The following RAD54B variants were observed in gnomAD, a reference collection of about 807,000 sequenced individuals.
The protein encoded by RAD54B is DNA repair and recombination protein RAD54B.
In RAD54B, 78 loss-of-function variants were observed where a neutral mutation model predicts 95.8. The observed-to-expected ratio is 0.81, with a 90% CI of 0.68 to 0.98. RAD54B has a LOEUF of 0.98. Ranked by LOEUF, RAD54B falls within the 50% of genes least tolerant of loss-of-function variation. The pLI is 0.00. For synonymous variants in RAD54B, 328 were observed against 354.9 expected, an observed-to-expected ratio of 0.92 and a Z score of 0.85; for missense variants, 957 against 1,056.6, an observed-to-expected ratio of 0.91 and a Z score of 1.31.
chr8:94,406,288 T>G (rs1459686668), intron 5 of RAD54B, among the ~76,000 whole-genome samples: 1 of 152,086 alleles, frequency 6.6e-6, no homozygotes, highest in Non-Finnish European at 1.5e-5. Context: ...TGATTCTTAC[T>G]CAGATCTCTG....
In RAD54B at chr8:94,375,140, T is replaced by G. The variant is rs73695192; in HGVS notation, c.2516-2753A>C. ...TGGCAATATCTATCAAAATTACAAATGTACACATTCTCTGACTCAGCAATA... is the reference window on the plus strand; with the variant it reads ...TGGCAATATCTATCAAAATTACAAAGGTACACATTCTCTGACTCAGCAATA... On this transcript the variant is annotated intron_variant, in intron 14 of 14. Coordinates refer to ENST00000336148, the MANE Select transcript of RAD54B (RefSeq NM_012415.3). Among the ~76,000 whole-genome samples the G allele has an allele frequency of 6.6e-3, 1,011 of 152,294 alleles. 15 individuals are homozygous for G. The highest frequency in any genetic ancestry group is 0.023 in the African/African-American group (963 of 41,550).
chr8:94,457,965 GA>G (rs1183179699), intron 3 of RAD54B, among the ~76,000 whole-genome samples: 1 of 151,558 alleles, frequency 6.6e-6, no homozygotes, highest in Non-Finnish European at 1.5e-5. Flanking sequence ...ATGCTTTTTA[GA>G]AAAAAAATGT....
intron 3 of RAD54B, among the ~76,000 whole-genome samples, chr8:94,432,854 C>A (rs1011919856): frequency 1.3e-5 from 2 of 152,140 alleles, no homozygotes; most frequent in Admixed American, 1.3e-4. Flanking sequence ...ACTCACAGAT[C>A]TCCCCCATCC....
At chr8:94,424,584 G>T (rs534175794) in intron 3 of RAD54B, among the ~76,000 whole-genome samples, 1 of 152,108 alleles carries the variant, frequency 6.6e-6, no homozygotes, top group Non-Finnish European at 1.5e-5. Context: ...TAGACTACTT[G>T]TATTACAGAA....
At chr8:94,470,772 A>G (rs960955934) in intron 1 of RAD54B, among the ~76,000 whole-genome samples, 1 of 72,014 alleles carries the variant, frequency 1.4e-5, no homozygotes, top group African/African-American at 3.7e-5. Flanking sequence ...AAAACAAAGA[A>G]AAAAAAAAAG....
chr8:94,465,016 G>A (rs186086467), intron 2 of RAD54B, among the ~76,000 whole-genome samples: 89 of 152,150 alleles, frequency 5.8e-4, no homozygotes, highest in African/African-American at 2.0e-3. Flanking sequence ...TGAAGGATCC[G>A]CCCCTCATGA....
chr8:94,455,329 G>C (rs780805156), intron 3 of RAD54B, among the ~76,000 whole-genome samples: 2 of 152,098 alleles, frequency 1.3e-5, no homozygotes, highest in Admixed American at 1.3e-4. Context: ...AGAGAAAACT[G>C]TAAGTTTCTC....
intron 3 of RAD54B, among the ~76,000 whole-genome samples, chr8:94,426,819 T>C (rs756161975): frequency 6.6e-6 from 1 of 152,158 alleles, no homozygotes; most frequent in East Asian, 1.9e-4. Context: ...TATTTTAAAT[T>C]TGTGCATTTC....
rs775120386 is a variant in RAD54B, at chr8:94,407,681, T to A, written c.539A>T (p.Glu180Val). ...TCCACAAATCATCAGTGTTTGGCCC[T>A]CTTCAATCTTTTCAAGCTCTTTGAA... ...YKFKELEKIE[E>V]GQTLMICGKE... Residue 180 changes from glutamate (E) to valine (V), a missense_variant, in exon 5 of 15, where the codon GAG (glutamate) becomes GTG (valine). Glu to Val is a moderately radical substitution (Grantham distance 121, BLOSUM62 -2). Coordinates refer to ENST00000336148, the MANE Select transcript of RAD54B (RefSeq NM_012415.3). 14 of 1,613,470 alleles carry A rather than the reference T, an allele frequency of 8.7e-6. No individual in the cohort carries two copies. In the South Asian group the frequency reaches 1.5e-4, roughly 18 times the overall value.
intron 3 of RAD54B, among the ~76,000 whole-genome samples, chr8:94,423,069 A>G (rs981421195): frequency 1.3e-5 from 2 of 152,014 alleles, no homozygotes; most frequent in African/African-American, 4.8e-5. Flanking sequence ...ATTATTACCC[A>G]ATTTTTATTT....
Position 94,407,702 on chromosome 8 carries a change from T to C in RAD54B, c.518A>G (p.Lys173Arg). ...DIGRGIGYKF[K>R]ELEKIEEGQT... ...GCCCTCTTCAATCTTTTCAAGCTCTTTGAATTTATAACCAATGCCTTTAAG... is the reference window on the plus strand; with the variant it reads ...GCCCTCTTCAATCTTTTCAAGCTCTCTGAATTTATAACCAATGCCTTTAAG... Residue 173 changes from lysine (K) to arginine (R), a missense_variant, in exon 5 of 15, where the codon AAA becomes AGA. Transcript: ENST00000336148. 1.2e-6 allele frequency: 2 copies of C among 1,611,876 alleles called. No homozygotes were observed. The highest frequency in any genetic ancestry group is 1.7e-6 in the Non-Finnish European group (2 of 1,178,538).
intron 2 of RAD54B, among the ~76,000 whole-genome samples, chr8:94,460,660 C>T (rs911680399): frequency 2.0e-5 from 3 of 152,084 alleles, no homozygotes; most frequent in Admixed American, 6.5e-5. Flanking sequence ...TTTATAGTTT[C>T]GCAAGTTAGA....
intron 1 of RAD54B, among the ~76,000 whole-genome samples, chr8:94,473,085 C>A (rs1211607691): frequency 6.6e-6 from 1 of 152,120 alleles, no homozygotes; most frequent in African/African-American, 2.4e-5. Context: ...CATTTCCCCC[C>A]AAAAGACCAT....
intron 3 of RAD54B, chr8:94,431,081 G>C (rs904906616): frequency 1.0e-6 from 1 of 984,632 alleles, no homozygotes; most frequent in African/African-American, 1.8e-5. Context: ...CAAAACCCCA[G>C]CAAAAATAGA....
At chr8:94,406,186 C>A (rs1379862611) in intron 5 of RAD54B, among the ~76,000 whole-genome samples, 1 of 152,034 alleles carries the variant, frequency 6.6e-6, no homozygotes, top group African/African-American at 2.4e-5. Context: ...GTTATTAGGA[C>A]CCACGTTTTA....
At chr8:94,373,409 CT>C (rs34711293) in intron 14 of RAD54B, among the ~76,000 whole-genome samples, 130,944 of 152,110 alleles carry the variant, frequency 0.86, 57,664 homozygotes, top group Non-Finnish European at 0.96. Context: ...TGAGTCTGGC[CT>C]TATGGAATGC....
chr8:94,386,983 C>T lies in RAD54B; in HGVS notation c.1985+1G>A, dbSNP rs1451633186. Reference sequence around the variant, plus strand: ...TTATAAGTTTGTTAAATCGATCTTACTTTTCAGTAGGTCGAAGTTCGTGGA... The same window carrying T: ...TTATAAGTTTGTTAAATCGATCTTATTTTTCAGTAGGTCGAAGTTCGTGGA... On this transcript the variant is annotated splice_donor_variant, in intron 11 of 14. Coordinates refer to ENST00000336148, the MANE Select transcript of RAD54B (RefSeq NM_012415.3). LOFTEE classifies it high-confidence loss of function. 1.3e-5 allele frequency: 20 copies of T among 1,590,094 alleles called. No individual in the cohort carries two copies. Among genetic ancestry groups the T allele is most frequent in the Non-Finnish European group, 1.7e-5 (20 of 1,171,956 alleles).
In RAD54B at chr8:94,378,626, A is replaced by C. The variant is rs746692746; in HGVS notation, c.2256T>G (p.Ser752=). 3 of 1,605,378 alleles carry C rather than the reference A, an allele frequency of 1.9e-6. No individual in the cohort carries two copies. In the East Asian group the frequency reaches 6.7e-5, roughly 36 times the overall value. The change falls in exon 13 of 15, where the codon TCT becomes TCG. Residue 752 remains serine (S), a synonymous_variant. Coordinates refer to ENST00000336148, the MANE Select transcript of RAD54B (RefSeq NM_012415.3). ...ATTTCTGACCATCTCTCCATACTCT[A>C]GACATTGCCTATAGAAAATAAGTGA... ...WNPATDIQAM[S]RVWRDGQKYP...
At chr8:94,438,344 G>A (rs1812319469) in intron 3 of RAD54B, among the ~76,000 whole-genome samples, 1 of 152,172 alleles carries the variant, frequency 6.6e-6, no homozygotes, top group Admixed American at 6.5e-5. Context: ...ATACGCTACT[G>A]AGTAATTTGA....
Sources: allele counts gnomAD v4.1 joint callset (sites outside exome capture counted in the v4.1 genomes callset), GRCh38; gene constraint gnomAD v4.1.1; transcripts MANE v1.5; gene names NCBI Gene and HGNC (gene_info 2026-07-23, HGNC 2026-07-21).